Variants in CNTRL observed in about 807,000 individuals in gnomAD.
CNTRL encodes centriolin, also known as 110 kDa centrosomal protein.
CNTRL carries 233 observed loss-of-function variants against 303.7 expected under a neutral mutation model. The ratio of observed to expected loss-of-function variants is 0.77; its 90% CI spans 0.69 to 0.86. The LOEUF (loss-of-function observed/expected upper bound fraction) is 0.86. CNTRL is among the 40% of genes least tolerant of loss of function. CNTRL has a pLI of 0.00. For missense variants in CNTRL, 2,524 were observed against 2,650.6 expected (o/e 0.95, Z 1.05); for synonymous variants, 900 against 922.2 (o/e 0.98, Z 0.44).
chr9:121,104,291 C>T (rs535282181), intron 7 of CNTRL, among the ~76,000 whole-genome samples: 42 of 152,248 alleles, frequency 2.8e-4, no homozygotes, highest in South Asian at 8.3e-4. Flanking sequence ...AACCAAACAC[C>T]GCATGTTCTC....
chr9:121,166,036 GGA>G, intron 35 of CNTRL, 69 bp from the exon 36 acceptor site: 1 of 1,157,452 alleles, frequency 8.6e-7, no homozygotes, highest in East Asian at 2.5e-5. Flanking sequence ...CTACTTTTTG[GGA>G]ATGCTAATGG....
chr9:121,159,041 T>C, intron 31 of CNTRL, 22 bp downstream of exon 31: 1 of 1,609,762 alleles, frequency 6.2e-7, no homozygotes. Context: ...ATTAGGGTTT[T>C]CTGAAGAGTC....
At position 121,088,313 on chromosome 9, in the gene CNTRL, G is replaced by T. The variant is rs2048425773; in HGVS notation, c.-14G>T. 6.5e-7 allele frequency: 1 copy of T among 1,536,810 alleles called. No individual in the cohort carries two copies. The highest frequency in any genetic ancestry group is 9.0e-7 in the Non-Finnish European group (1 of 1,110,758). On this transcript the variant is annotated 5_prime_UTR_variant, in exon 3 of 44. Transcript: ENST00000373855. ...TCTTACAGGTTTTGATGAACACCTG[G>T]CTTTATTCTTGCAATGAAGAAAGGT...
intron 10 of CNTRL, 29 bp from the exon 11 acceptor site, chr9:121,115,062 T>A: frequency 1.5e-6 from 2 of 1,355,556 alleles, no homozygotes; most frequent in Non-Finnish European, 2.1e-6. Context: ...TTGTTTCATA[T>A]TATGTGAGCA....
At chr9:121,154,169 G>T (rs2052438601) in intron 26 of CNTRL, among the ~76,000 whole-genome samples, 1 of 152,174 alleles carries the variant, frequency 6.6e-6, no homozygotes, top group Admixed American at 6.5e-5. Context: ...ATATTTTTCT[G>T]TCATGCAGTC....
rs879026660 is a variant in CNTRL at position 121,152,512 on chromosome 9, A to G, written c.3991A>G (p.Ile1331Val). 6.2e-7 allele frequency: 1 copy of G among 1,614,056 alleles called. No individual in the cohort carries two copies. Among genetic ancestry groups the G allele is most frequent in the Admixed American group, 1.7e-5 (1 of 60,018 alleles). Reference sequence around the variant, plus strand: ...GAATGAAGTTTCTAGATTAGAAGACATAATGCAGCATTTAAAATCAAAGAA... The same window carrying G: ...GAATGAAGTTTCTAGATTAGAAGACGTAATGCAGCATTTAAAATCAAAGAA... The part of the protein sequence containing the change: ...LENEVSRLED[I>V]MQHLKSKKRE... The change falls in exon 26 of 44, where the codon ATA becomes GTA. Residue 1331 changes from isoleucine to valine, a missense_variant. Coordinates refer to ENST00000373855, the MANE Select transcript of CNTRL (RefSeq NM_007018.6).
Position 121,148,790 on chromosome 9 carries a change from C to T in CNTRL, c.3578C>T (p.Pro1193Leu), listed in dbSNP as rs769516296. ...CAGGATGGGAAGGAAGGCAGTCAAC[C>T]TCCCCCTGCCTCAGGATACTGGGTT... ...GQQDGKEGSQ[P>L]PPASGYWVYS... The change falls in exon 24 of 44, where the codon CCT (proline) becomes CTT (leucine). Residue 1193 changes from proline to leucine, a missense_variant. Pro to Leu is a moderately conservative substitution (Grantham distance 98, BLOSUM62 -3). Coordinates refer to ENST00000373855, the MANE Select transcript of CNTRL (RefSeq NM_007018.6). The T allele has an allele frequency of 1.2e-6, 2 of 1,614,064 alleles. No individual in the cohort carries two copies. Among genetic ancestry groups the T allele is most frequent in the South Asian group, 1.1e-5 (1 of 91,080 alleles).
intron 2 of CNTRL, among the ~76,000 whole-genome samples, chr9:121,084,150 G>A (rs2048253950): frequency 6.6e-6 from 1 of 151,950 alleles, no homozygotes; most frequent in South Asian, 2.1e-4. Flanking sequence ...AAGGTACTAA[G>A]CAAAGATAGC....
At chr9:121,090,485 A>G in intron 4 of CNTRL, 80 bp downstream of exon 4, 1 of 1,300,238 alleles carries the variant, frequency 7.7e-7, no homozygotes, top group Non-Finnish European at 1.1e-6. Context: ...AAATTATCCT[A>G]ATGTCACCTA....
intron 7 of CNTRL, among the ~76,000 whole-genome samples, chr9:121,101,381 T>C (rs2049158603): frequency 6.6e-6 from 1 of 152,170 alleles, no homozygotes; most frequent in Admixed American, 6.5e-5. Flanking sequence ...TACCAGAATC[T>C]CTAGGACACG....
At chr9:121,084,734 C>T (rs202069495) in intron 2 of CNTRL, among the ~76,000 whole-genome samples, 2 of 151,958 alleles carry the variant, frequency 1.3e-5, no homozygotes, top group African/African-American at 4.8e-5. Flanking sequence ...TTAGTAGAGA[C>T]GGGGTTTCAC....
intron 14 of CNTRL, among the ~76,000 whole-genome samples, chr9:121,128,381 T>C (rs1022843009): frequency 6.6e-6 from 1 of 152,234 alleles, no homozygotes. Flanking sequence ...TGATTTGCAT[T>C]TCTCTGATGG....
intron 39 of CNTRL, among the ~76,000 whole-genome samples, chr9:121,170,972 C>T (rs567909992): frequency 6.6e-6 from 1 of 152,284 alleles, no homozygotes; most frequent in Non-Finnish European, 1.5e-5. Context: ...GATTTTTCCA[C>T]TACCCTCTGG....
intron 8 of CNTRL, among the ~76,000 whole-genome samples, chr9:121,109,353 T>C (rs1384514835): frequency 7.2e-5 from 11 of 152,180 alleles, no homozygotes; most frequent in Non-Finnish European, 1.5e-4. Flanking sequence ...GTAGACTGTA[T>C]ATTATTATTC....
At chr9:121,130,227 C>G (rs529467559) in intron 14 of CNTRL, among the ~76,000 whole-genome samples, 7 of 152,260 alleles carry the variant, frequency 4.6e-5, no homozygotes, top group African/African-American at 1.7e-4. Context: ...CTTTGTACCT[C>G]TGGTAGAATT....
intron 23 of CNTRL, among the ~76,000 whole-genome samples, chr9:121,147,501 T>G (rs1393258080): frequency 6.6e-6 from 1 of 151,946 alleles, no homozygotes; most frequent in Non-Finnish European, 1.5e-5. Flanking sequence ...CTGATTCAGG[T>G]AAAGAGTAGA....
chr9:121,087,054 A>G (rs567550327), intron 2 of CNTRL, among the ~76,000 whole-genome samples: 2 of 152,222 alleles, frequency 1.3e-5, no homozygotes, highest in South Asian at 2.1e-4. Context: ...AGAAGCTGTT[A>G]TAGTAGTTTG....
At chr9:121,145,106 G>T in intron 21 of CNTRL, 138 bp from the exon 22 acceptor site, 2 of 1,162,552 alleles carry the variant, frequency 1.7e-6, no homozygotes, top group Non-Finnish European at 2.5e-6. Context: ...GCCAGGCTTG[G>T]TGCAGTTTCC....
chr9:121,159,730 A>T (rs1355801445), intron 31 of CNTRL, among the ~76,000 whole-genome samples: 1 of 150,662 alleles, frequency 6.6e-6, no homozygotes, highest in Non-Finnish European at 1.5e-5. Context: ...TTTCTTCTGG[A>T]AGAAGGAGTT....
Sources: gnomAD v4.1 joint callset for allele counts (sites outside exome capture counted in the v4.1 genomes callset) on GRCh38, gnomAD v4.1.1 for gene constraint, MANE v1.5 for transcripts, NCBI Gene and HGNC (gene_info 2026-07-23, HGNC 2026-07-21) for gene names.